The following FOXJ3 variants were observed in gnomAD, a reference collection of about 807,000 sequenced individuals.
FOXJ3 encodes the protein forkhead box protein J3.
FOXJ3 carries 22 observed loss-of-function variants against 76.1 expected under a neutral mutation model. The ratio of observed to expected loss-of-function variants is 0.29; its 90% CI spans 0.21 to 0.41. The LOEUF (loss-of-function observed/expected upper bound fraction) is 0.41, where lower values mean the gene tolerates loss of function less well. Among genes scored for constraint, FOXJ3 ranks in the 10% least tolerant of loss-of-function variants. FOXJ3 has a pLI of 1.00. For missense variants in FOXJ3, 613 were observed against 762.1 expected (o/e 0.80, Z 2.30); for synonymous variants, 269 against 261.2 (o/e 1.03, Z -0.29).
At chr1:42,246,260 TCTGA>T (rs1649543159) in intron 4 of FOXJ3, among the ~76,000 whole-genome samples, 1 of 152,160 alleles carries the variant, frequency 6.6e-6, no homozygotes, top group Non-Finnish European at 1.5e-5. Context: ...AAACCATTCA[TCTGA>T]CAAGAGACTA....
chr1:42,213,862 T>A (rs1471607642), intron 5 of FOXJ3, among the ~76,000 whole-genome samples: 4 of 152,146 alleles, frequency 2.6e-5, no homozygotes, highest in Non-Finnish European at 5.9e-5. Flanking sequence ...CTATTGCACA[T>A]CCCAATGACT....
chr1:42,328,672 T>A (rs1320080314), intron 1 of FOXJ3, among the ~76,000 whole-genome samples: 1 of 142,534 alleles, frequency 7.0e-6, no homozygotes, highest in Admixed American at 7.7e-5. Context: ...TTCATACTTA[T>A]CCTATTTTTT....
chr1:42,279,821 T>TA (rs1254649754), intron 2 of FOXJ3, among the ~76,000 whole-genome samples: 2 of 152,018 alleles, frequency 1.3e-5, no homozygotes, highest in Non-Finnish European at 2.9e-5. Context: ...AAAAAAAACT[T>TA]AAAGGTTTCT....
At chr1:42,323,849 A>G (rs2124780118) in intron 1 of FOXJ3, 1 of 214,460 alleles carries the variant, frequency 4.7e-6, no homozygotes, top group South Asian at 1.7e-4. Flanking sequence ...AGATGACGTT[A>G]GATGCATATT....
At chr1:42,314,628 A>G (rs985147130) in intron 1 of FOXJ3, among the ~76,000 whole-genome samples, 1 of 152,162 alleles carries the variant, frequency 6.6e-6, no homozygotes, top group African/African-American at 2.4e-5. Flanking sequence ...TGCTGACCCA[A>G]ACATCCTCTA....
chr1:42,308,598 C>T (rs1388778722), intron 2 of FOXJ3, among the ~76,000 whole-genome samples: 1 of 152,088 alleles, frequency 6.6e-6, no homozygotes, highest in Non-Finnish European at 1.5e-5. Flanking sequence ...CGTAGGGCTT[C>T]TCGGTTTATA....
chr1:42,204,071 T>G (rs557251779), intron 6 of FOXJ3, among the ~76,000 whole-genome samples: 33 of 151,944 alleles, frequency 2.2e-4, no homozygotes, highest in African/African-American at 7.5e-4. Flanking sequence ...GGCTCTTTGG[T>G]AACCCCAAAC....
At chr1:42,228,711 G>C (rs556526032) in intron 4 of FOXJ3, among the ~76,000 whole-genome samples, 32 of 152,148 alleles carry the variant, frequency 2.1e-4, no homozygotes, top group Admixed American at 2.1e-3. Context: ...AAAACAAACA[G>C]AAACAAAGTC....
intron 4 of FOXJ3, among the ~76,000 whole-genome samples, chr1:42,255,147 T>A (rs1199186856): frequency 6.6e-6 from 1 of 152,138 alleles, no homozygotes; most frequent in Non-Finnish European, 1.5e-5. Context: ...ACGGTATAAG[T>A]AGAAGCACAA....
chr1:42,276,323 T>C (rs1343532655), intron 3 of FOXJ3, among the ~76,000 whole-genome samples: 1 of 151,120 alleles, frequency 6.6e-6, no homozygotes, highest in Non-Finnish European at 1.5e-5. Context: ...GCCCCTGCAC[T>C]CCAGCCTGGA....
intron 5 of FOXJ3, among the ~76,000 whole-genome samples, chr1:42,215,983 T>A (rs1647056211): frequency 6.6e-6 from 1 of 151,836 alleles, no homozygotes. Flanking sequence ...GAGACACCCA[T>A]CTCTAAGGGG....
intron 4 of FOXJ3, among the ~76,000 whole-genome samples, chr1:42,229,932 G>C (rs578011933): frequency 1.3e-5 from 2 of 152,186 alleles, no homozygotes; most frequent in Non-Finnish European, 2.9e-5. Context: ...GTGTGTATAT[G>C]TGTATTAATC....
chr1:42,294,656 G>A (rs1290780644), intron 2 of FOXJ3, among the ~76,000 whole-genome samples: 32 of 151,758 alleles, frequency 2.1e-4, no homozygotes, highest in Admixed American at 2.1e-3. Flanking sequence ...CAGTTACTTG[G>A]GAGGCTGAGG....
At chr1:42,212,957 CA>C (rs1209892066) in intron 5 of FOXJ3, among the ~76,000 whole-genome samples, 23 of 65,270 alleles carry the variant, frequency 3.5e-4, no homozygotes, top group African/African-American at 6.7e-4. Flanking sequence ...TTGTATCTAG[CA>C]AAAAAAAAAA....
At chr1:42,239,548 GACA>G (rs1369698620) in intron 4 of FOXJ3, among the ~76,000 whole-genome samples, 1 of 152,050 alleles carries the variant, frequency 6.6e-6, no homozygotes, top group Non-Finnish European at 1.5e-5. Context: ...TACCAAAATG[GACA>G]ACATCTTTTG....
chr1:42,280,863 T>C (rs1652656574), intron 2 of FOXJ3, among the ~76,000 whole-genome samples: 1 of 152,216 alleles, frequency 6.6e-6, no homozygotes, highest in South Asian at 2.1e-4. Flanking sequence ...AGTAGTTGCT[T>C]ATATTATTAT....
intron 4 of FOXJ3, among the ~76,000 whole-genome samples, chr1:42,247,610 AC>A (rs1322568049): frequency 1.3e-5 from 2 of 152,338 alleles, no homozygotes; most frequent in South Asian, 4.1e-4. Context: ...CGCAAGGATG[AC>A]CATAATAAAA....
At chr1:42,314,245 C>G (rs1328296747) in intron 1 of FOXJ3, among the ~76,000 whole-genome samples, 1 of 152,042 alleles carries the variant, frequency 6.6e-6, no homozygotes, top group African/African-American at 2.4e-5. Flanking sequence ...GTACCAGGGA[C>G]TCAGAATCTT....
At chr1:42,335,346 G>A (rs980359779), upstream of FOXJ3, 1 of 152,164 alleles carries the variant, frequency 6.6e-6, no homozygotes, top group Non-Finnish European at 1.5e-5. Flanking sequence ...CGGTCGCTTC[G>A]ACGCACGCAG....
Sources: allele counts gnomAD v4.1 joint callset (sites outside exome capture counted in the v4.1 genomes callset), GRCh38; gene constraint gnomAD v4.1.1; transcripts MANE v1.5; gene names NCBI Gene and HGNC (gene_info 2026-07-23, HGNC 2026-07-21).